The following FYN variants were observed in gnomAD, a reference collection of about 807,000 sequenced individuals.
The protein encoded by FYN is tyrosine-protein kinase Fyn.
FYN carries 10 observed loss-of-function variants against 70.2 expected under a neutral mutation model. The observed-to-expected ratio is 0.14, with a 90% CI of 0.09 to 0.24. FYN has a LOEUF of 0.24. Ranked by LOEUF, FYN falls within the 10% of genes least tolerant of loss-of-function variation. FYN has a pLI of 1.00. For missense variants in FYN, 319 were observed against 673.1 expected (o/e 0.47, Z 5.82); for synonymous variants, 236 against 248.6 (o/e 0.95, Z 0.48).
intron 5 of FYN, among the ~76,000 whole-genome samples, chr6:111,708,701 A>G (rs1800226264): frequency 6.6e-6 from 1 of 152,156 alleles, no homozygotes; most frequent in South Asian, 2.1e-4. Flanking sequence ...CTCATGGGCA[A>G]GGGGTGAGGA....
intron 2 of FYN, among the ~76,000 whole-genome samples, chr6:111,799,524 T>C (rs1771917332): frequency 6.6e-6 from 1 of 152,238 alleles, no homozygotes; most frequent in Non-Finnish European, 1.5e-5. Context: ...GTTCGCATTT[T>C]ATGTGAAAGA....
intron 2 of FYN, among the ~76,000 whole-genome samples, chr6:111,813,267 T>C (rs773431258): frequency 4.6e-5 from 7 of 152,284 alleles, no homozygotes; most frequent in Non-Finnish European, 7.4e-5. Flanking sequence ...TCCAACCCAG[T>C]TGAACTTTAC....
intron 3 of FYN, among the ~76,000 whole-genome samples, chr6:111,744,417 T>C (rs6568702): frequency 0.12 from 18,483 of 152,218 alleles, 1,895 homozygotes; most frequent in African/African-American, 0.28. Context: ...CAGCCTGCAG[T>C]GGTTTATGCA....
intron 1 of FYN, among the ~76,000 whole-genome samples, chr6:111,859,095 G>A (rs541163866): frequency 6.6e-6 from 1 of 152,032 alleles, no homozygotes; most frequent in East Asian, 1.9e-4. Context: ...CCTTACCTTT[G>A]TCACTCCTCT....
chr6:111,688,387 C>T (rs1799128138), intron 12 of FYN, among the ~76,000 whole-genome samples: 1 of 152,170 alleles, frequency 6.6e-6, no homozygotes, highest in Admixed American at 6.5e-5. Context: ...GCATTTGATT[C>T]CCAGAGAGAG....
chr6:111,848,322 T>C (rs924280972), intron 1 of FYN, among the ~76,000 whole-genome samples: 23 of 152,308 alleles, frequency 1.5e-4, no homozygotes, highest in African/African-American at 5.3e-4. Flanking sequence ...GGGAAGAAAC[T>C]TTAATACCCT....
In FYN at chr6:111,701,875, T is replaced by A. The variant is rs116794743; in HGVS notation, c.697+1010A>T. ...TAGTACTGCAAGTGCTGTTAATATT[T>A]TCTATTGTTCATTAGTGCAAGGGAT... On this transcript the variant is annotated intron_variant, in intron 8 of 13. Transcript: ENST00000354650. Among the ~76,000 whole-genome samples the A allele has an allele frequency of 6.1e-3, 936 of 152,336 alleles. 9 individuals carry two copies. The highest frequency in any genetic ancestry group is 0.021 in the African/African-American group (888 of 41,564).
intron 7 of FYN, among the ~76,000 whole-genome samples, chr6:111,703,606 C>A (rs902731615): frequency 1.3e-4 from 20 of 152,160 alleles, no homozygotes; most frequent in Non-Finnish European, 2.6e-4. Context: ...AAAAGTCCAA[C>A]AGTTGGAGGA....
chr6:111,791,298 A>T (rs1771612778), intron 2 of FYN, among the ~76,000 whole-genome samples: 1 of 152,210 alleles, frequency 6.6e-6, no homozygotes, highest in African/African-American at 2.4e-5. Flanking sequence ...AAATGTATAA[A>T]AGTATGCATA....
chr6:111,852,516 T>C (rs1305259278), intron 1 of FYN, among the ~76,000 whole-genome samples: 1 of 152,140 alleles, frequency 6.6e-6, no homozygotes, highest in Non-Finnish European at 1.5e-5. Context: ...GAATGGGGAT[T>C]AAGAAGAGTA....
At chr6:111,689,671 A>G (rs1336262939) in intron 12 of FYN, among the ~76,000 whole-genome samples, 2 of 152,230 alleles carry the variant, frequency 1.3e-5, no homozygotes, top group African/African-American at 4.8e-5. Context: ...AAGAAGCCAG[A>G]CACAAGAGTA....
intron 3 of FYN, among the ~76,000 whole-genome samples, chr6:111,743,041 G>A (rs1562500732): frequency 6.7e-6 from 1 of 149,654 alleles, no homozygotes; most frequent in Non-Finnish European, 1.5e-5. Context: ...ATCTCGGCTC[G>A]TTGCAACCTC....
intron 3 of FYN, among the ~76,000 whole-genome samples, chr6:111,768,638 A>G (rs1803323689): frequency 6.6e-6 from 1 of 152,218 alleles, no homozygotes; most frequent in South Asian, 2.1e-4. Context: ...TAATTCTGGT[A>G]AAAACCCCAG....
At chr6:111,748,043 A>T (rs1270078095) in intron 3 of FYN, among the ~76,000 whole-genome samples, 2 of 152,226 alleles carry the variant, frequency 1.3e-5, no homozygotes, top group Non-Finnish European at 2.9e-5. Flanking sequence ...AGCAAGATGA[A>T]GACATAGAAA....
At chr6:111,862,356 T>C (rs370563821) in intron 1 of FYN, among the ~76,000 whole-genome samples, 1 of 152,144 alleles carries the variant, frequency 6.6e-6, no homozygotes, top group East Asian at 1.9e-4. Flanking sequence ...CAAAATGAAA[T>C]GGTGGTTTCT....
At chr6:111,716,656 A>G (rs1800656254) in intron 4 of FYN, among the ~76,000 whole-genome samples, 1 of 116,698 alleles carries the variant, frequency 8.6e-6, no homozygotes, top group African/African-American at 5.4e-5. Context: ...CTGTATATTA[A>G]AAAAAAAATT....
At chr6:111,693,447 A>G (rs1799438526) in intron 12 of FYN, among the ~76,000 whole-genome samples, 1 of 152,116 alleles carries the variant, frequency 6.6e-6, no homozygotes, top group Admixed American at 6.5e-5. Context: ...TGCAAACCAC[A>G]TACTTAATCA....
intron 3 of FYN, among the ~76,000 whole-genome samples, chr6:111,763,712 A>G (rs1243279432): frequency 6.6e-6 from 1 of 152,220 alleles, no homozygotes; most frequent in Non-Finnish European, 1.5e-5. Context: ...ACTTTTAACT[A>G]TACATTTTTT....
chr6:111,779,121 A>ATTTTTTTTTT (rs397934539), intron 3 of FYN, among the ~76,000 whole-genome samples: 2 of 91,494 alleles, frequency 2.2e-5, no homozygotes, highest in African/African-American at 4.2e-5. Context: ...AGTAGGAGAC[A>ATTTTTTTTTT]TTTTTTTTTT....
Sources: gnomAD v4.1 joint callset for allele counts (sites outside exome capture counted in the v4.1 genomes callset) on GRCh38, gnomAD v4.1.1 for gene constraint, MANE v1.5 for transcripts, NCBI Gene and HGNC (gene_info 2026-07-23, HGNC 2026-07-21) for gene names.